The following PRDM10 variants were observed in gnomAD, a reference collection of about 807,000 sequenced individuals.
PRDM10 encodes PR/SET domain 10.
PRDM10 carries 65 observed loss-of-function variants against 133.1 expected under a neutral mutation model. That is an observed-to-expected ratio of 0.49 (90% CI 0.40 to 0.60). The LOEUF (loss-of-function observed/expected upper bound fraction) is 0.60, where lower values mean the gene tolerates loss of function less well. Among genes scored for constraint, PRDM10 ranks in the 20% least tolerant of loss-of-function variants. The pLI, the probability that PRDM10 is intolerant of heterozygous loss-of-function variation, is 0.00. For synonymous variants in PRDM10, 582 were observed against 580.4 expected (o/e 1.00, Z -0.04); for missense variants, 1,137 against 1,507.1 (o/e 0.75, Z 4.07).
rs910497766 is a variant in PRDM10, at chr11:129,947,241, C to T, written c.424G>A (p.Glu142Lys). The T allele has an allele frequency of 9.9e-6, 16 of 1,614,016 alleles. No homozygotes were observed. The African/African-American group carries it at 1.7e-4, about 18-fold the overall frequency. Reference sequence around the variant, plus strand: ...TCTTCCTCATCTTCCTCAGTGTCCTCGTCCTCATCCTCATCCTCTTCCTCT... The same window carrying T: ...TCTTCCTCATCTTCCTCAGTGTCCTTGTCCTCATCCTCATCCTCTTCCTCT... ...AKEEEDEDED[E>K]DTEEDEEEDG... The change falls in exon 5 of 21, where the codon GAG (glutamate) becomes AAG (lysine). Residue 142 changes from glutamate to lysine, a missense_variant. By Grantham distance (56) the Glu-to-Lys change is moderately conservative. This residue lies in a region of PRDM10 where 635 missense variants were observed against 835.2 expected (regional missense o/e 0.76). Coordinates refer to ENST00000360871, the MANE Select transcript of PRDM10 (RefSeq NM_199437.2). The surrounding 1 kb of genome is among the most constrained non-coding windows in gnomAD (Gnocchi z 4.6).
intron 7 of PRDM10, 143 bp from the exon 8 acceptor site, chr11:129,937,813 C>A: frequency 1.5e-6 from 1 of 648,786 alleles, no homozygotes; most frequent in Non-Finnish European, 2.5e-6. Context: ...ATGCTGTGAG[C>A]TCCCCTTGCA....
rs76936807 is a variant in PRDM10, at chr11:129,907,758, C to T, written c.3164-2017G>A. On this transcript the variant is annotated intron_variant, in intron 19 of 20. Coordinates refer to ENST00000360871, the MANE Select transcript of PRDM10 (RefSeq NM_199437.2). ...TGAGACAATCATAGAAATATAAAAA[C>T]CCTGACTGGGTATTTTAAATATATT... Among the ~76,000 whole-genome samples the T allele has an allele frequency of 3.4e-3, 521 of 151,836 alleles. 1 individual carries two copies. The highest frequency in any genetic ancestry group is 5.6e-3 in the Non-Finnish European group (383 of 67,920).
In PRDM10 at chr11:129,917,934, CA is replaced by C. The variant is rs1402969364; in HGVS notation, c.2214+604del. 2.0e-4 allele frequency among the ~76,000 whole-genome samples: 30 copies of C among 152,238 alleles called. 1 individual carries two copies. Among genetic ancestry groups the C allele is most frequent in the African/African-American group, 7.2e-4 (30 of 41,542 alleles). On this transcript the variant is annotated intron_variant, in intron 14 of 20. Coordinates refer to ENST00000360871, the MANE Select transcript of PRDM10 (RefSeq NM_199437.2). Reference sequence around the variant, plus strand: ...TCACCTGAGGTCAGGAGTTTGAGACCAGCCTTGCCAAAATGGTGAAACCCCG... The same window carrying C: ...TCACCTGAGGTCAGGAGTTTGAGACCGCCTTGCCAAAATGGTGAAACCCCG...
intron 1 of PRDM10, among the ~76,000 whole-genome samples, chr11:129,986,050 G>A (rs547124338): frequency 6.6e-5 from 10 of 152,016 alleles, no homozygotes; most frequent in African/African-American, 2.4e-4. Flanking sequence ...TGGTGGTGTG[G>A]CAGAGTCTGG....
At chr11:129,940,458 A>G (rs562581808) in intron 7 of PRDM10, among the ~76,000 whole-genome samples, 17 of 152,350 alleles carry the variant, frequency 1.1e-4, no homozygotes, top group African/African-American at 3.6e-4. Context: ...TTTTTTCAAC[A>G]TTCACATTCA....
At chr11:129,980,092 G>A (rs1565508552) in intron 1 of PRDM10, among the ~76,000 whole-genome samples, 1 of 152,344 alleles carries the variant, frequency 6.6e-6, no homozygotes, top group East Asian at 1.9e-4. Context: ...ACAGGCTGCT[G>A]GTGGGAAGGT....
At chr11:129,942,356 T>C (rs1418640997) in intron 7 of PRDM10, 70 bp downstream of exon 7, 1 of 1,500,534 alleles carries the variant, frequency 6.7e-7, no homozygotes, top group Non-Finnish European at 9.0e-7. Context: ...TTTAGGAAAA[T>C]AAAATTGCAA....
intron 14 of PRDM10, among the ~76,000 whole-genome samples, chr11:129,917,565 C>T (rs1284806797): frequency 2.0e-5 from 3 of 152,246 alleles, no homozygotes; most frequent in Non-Finnish European, 4.4e-5. Flanking sequence ...GGTGAGTTCT[C>T]CTCATGCAAA....
chr11:129,903,339 T>TAATAATAAG (rs1555100917), intron 20 of PRDM10, among the ~76,000 whole-genome samples: 1 of 137,022 alleles, frequency 7.3e-6, no homozygotes, highest in African/African-American at 2.7e-5. Context: ...ATAATAATAA[T>TAATAATAAG]AAATGGTTCC....
chr11:129,986,463 A>G (rs2135982642), intron 1 of PRDM10, among the ~76,000 whole-genome samples: 1 of 152,194 alleles, frequency 6.6e-6, no homozygotes, highest in Non-Finnish European at 1.5e-5. Context: ...GTCTTGGCTC[A>G]CTTTCAAACT....
intron 1 of PRDM10, among the ~76,000 whole-genome samples, chr11:129,964,242 C>T (rs946214839): frequency 2.0e-5 from 3 of 152,136 alleles, no homozygotes; most frequent in African/African-American, 7.2e-5. Flanking sequence ...CCTCACAAAA[C>T]ACACACAGCC....
At chr11:129,949,644 G>A (rs1027190688) in intron 4 of PRDM10, among the ~76,000 whole-genome samples, 1 of 152,094 alleles carries the variant, frequency 6.6e-6, no homozygotes, top group Non-Finnish European at 1.5e-5. Context: ...AAAGAGGCTG[G>A]GTGTGGCTGG....
intron 11 of PRDM10, among the ~76,000 whole-genome samples, chr11:129,929,739 G>C (rs1232732882): frequency 1.6e-5 from 2 of 123,890 alleles, no homozygotes; most frequent in East Asian, 2.4e-4. Flanking sequence ...GTGGGCTTCG[G>C]TTTTTTTTTT....
At chr11:129,954,287 G>T (rs1215915610) in intron 4 of PRDM10, among the ~76,000 whole-genome samples, 1 of 147,348 alleles carries the variant, frequency 6.8e-6, no homozygotes, top group African/African-American at 2.5e-5. Flanking sequence ...TTTTGAGATG[G>T]AGTCTTGCTC....
At chr11:130,000,531 C>T (rs900612766) in intron 1 of PRDM10, among the ~76,000 whole-genome samples, 1 of 152,078 alleles carries the variant, frequency 6.6e-6, no homozygotes, top group Non-Finnish European at 1.5e-5. Context: ...CTTGCTTTTT[C>T]TAAAATATAT....
At chr11:129,977,567 C>T (rs1006858276) in intron 1 of PRDM10, among the ~76,000 whole-genome samples, 1 of 152,194 alleles carries the variant, frequency 6.6e-6, no homozygotes, top group Non-Finnish European at 1.5e-5. Context: ...CAGGCGTGAG[C>T]CACTGCGCCC....
chr11:129,971,438 G>A (rs1253231311), intron 1 of PRDM10, among the ~76,000 whole-genome samples: 3 of 152,024 alleles, frequency 2.0e-5, no homozygotes, highest in African/African-American at 7.3e-5. Flanking sequence ...ACAGAGTGTC[G>A]ACACAAAGGT....
At chr11:129,949,781 A>T (rs958339869) in intron 4 of PRDM10, among the ~76,000 whole-genome samples, 1 of 150,884 alleles carries the variant, frequency 6.6e-6, no homozygotes, top group Non-Finnish European at 1.5e-5. Flanking sequence ...AAATACAAAA[A>T]AAAGTAGCTG....
Position 129,923,693 on chromosome 11 carries a change from A to AGAGAGC in PRDM10, c.1879-291_1879-290insGCTCTC, listed in dbSNP as rs1491447398. Among the ~76,000 whole-genome samples, 140 of 135,660 alleles carry AGAGAGC rather than the reference A, an allele frequency of 1.0e-3. 1 individual carries two copies. The highest frequency in any genetic ancestry group is 3.7e-3 in the African/African-American group (132 of 35,504). 89.0% of individuals were successfully genotyped at this position (135,660 alleles called of 152,430 possible). ...GAGAGAGAGAGAGAGAGAGAGAGAG[A>AGAGAGC]GTGCTTGCTTGGTCAAAGCCCTGAT... On this transcript the variant is annotated intron_variant, in intron 12 of 20. Transcript: ENST00000360871. The surrounding 1 kb of genome is among the most constrained non-coding windows in gnomAD (Gnocchi z 4.4).
Sources: gnomAD v4.1 joint callset for allele counts (sites outside exome capture counted in the v4.1 genomes callset) on GRCh38, gnomAD v4.1.1 for gene constraint, gnomAD v4.1.1 regional missense constraint, Gnocchi (gnomAD v3.1) non-coding constraint, MANE v1.5 for transcripts, NCBI Gene and HGNC (gene_info 2026-07-23, HGNC 2026-07-21) for gene names.